ZNF536: variants seen among roughly 807,000 people sequenced by gnomAD.
ZNF536 encodes zinc finger protein 536.
In ZNF536, 13 loss-of-function variants were observed where a neutral mutation model predicts 84.5. That is an observed-to-expected ratio of 0.15 (90% CI 0.10 to 0.24). The LOEUF (loss-of-function observed/expected upper bound fraction) is 0.24. Among genes scored for constraint, ZNF536 ranks in the 10% least tolerant of loss-of-function variants. ZNF536 has a pLI of 1.00. For synonymous variants in ZNF536, 811 were observed against 742.5 expected, an observed-to-expected ratio of 1.09 and a Z score of -1.50; for missense variants, 1,536 against 1,747.5, an observed-to-expected ratio of 0.88 and a Z score of 2.16.
intron 1 of ZNF536, among the ~76,000 whole-genome samples, chr19:30,420,347 G>A (rs1468623979): frequency 6.6e-6 from 1 of 152,158 alleles, no homozygotes; most frequent in Admixed American, 6.5e-5. Context: ...CCGATCCGCA[G>A]TGCGGTGTGT....
At chr19:30,627,647 C>G (rs1035047538) in intron 1 of ZNF536, among the ~76,000 whole-genome samples, 2 of 152,130 alleles carry the variant, frequency 1.3e-5, no homozygotes, top group Admixed American at 1.3e-4. Context: ...TAATGACACT[C>G]AAGTTCTCTG....
chr19:30,698,248 C>T (rs1005938275), intron 1 of ZNF536, among the ~76,000 whole-genome samples: 4 of 151,320 alleles, frequency 2.6e-5, no homozygotes, highest in Non-Finnish European at 5.9e-5. Flanking sequence ...ACTGAGACTG[C>T]GCCACTGTAC....
intron 4 of ZNF536, 116 bp from the exon 5 acceptor site, chr19:30,557,041 C>T (rs2045991028): frequency 8.5e-7 from 1 of 1,175,922 alleles, no homozygotes; most frequent in Non-Finnish European, 1.2e-6. Context: ...ATAAATAACA[C>T]TTTATTGTCA....
intron 1 of ZNF536, among the ~76,000 whole-genome samples, chr19:30,591,114 C>A (rs1052960238): frequency 2.0e-5 from 3 of 152,222 alleles, no homozygotes; most frequent in Non-Finnish European, 4.4e-5. Flanking sequence ...GCCACCCACT[C>A]ATTTGGTGGA....
chr19:30,246,985 AC>A, intron 1 of ZNF536, among the ~76,000 whole-genome samples: 1 of 152,268 alleles, frequency 6.6e-6, no homozygotes, highest in Middle Eastern at 3.4e-3. Context: ...CTTGGTGATG[AC>A]CTATTGTTAC....
intron 2 of ZNF536, among the ~76,000 whole-genome samples, chr19:30,452,011 G>T (rs1049183634): frequency 4.6e-5 from 7 of 152,234 alleles, no homozygotes; most frequent in African/African-American, 1.7e-4. Context: ...GAGGTTCCAG[G>T]CTCAGGTCTT....
Position 30,445,533 on chromosome 19 carries a change from C to G in ZNF536, c.1971C>G (p.Arg657=), listed in dbSNP as rs774149715. The part of the protein sequence containing the change: ...VVHSRVHKRD[R]KGEEDGLHVG... ...ACTCCCGTGTCCACAAGCGGGACCG[C>G]AAGGGCGAGGAGGATGGGCTGCACG... Residue 657 remains arginine, a synonymous_variant, in exon 2 of 5, where the codon CGC becomes CGG. Transcript: ENST00000355537. This position sits in a 1 kb window ranked among gnomAD's most constrained non-coding sequence, Gnocchi z 4.5. 4.3e-6 allele frequency: 7 copies of G among 1,613,714 alleles called. No individual in the cohort carries two copies. Among genetic ancestry groups the G allele is most frequent in the African/African-American group, 2.7e-5 (2 of 74,926 alleles).
At chr19:30,621,276 A>G (rs2048471845) in intron 1 of ZNF536, among the ~76,000 whole-genome samples, 1 of 152,080 alleles carries the variant, frequency 6.6e-6, no homozygotes, top group South Asian at 2.1e-4. Flanking sequence ...TAAGAGCAGC[A>G]GAGGTGTCTC....
intron 1 of ZNF536, among the ~76,000 whole-genome samples, chr19:30,610,673 C>A (rs1187222855): frequency 1.3e-5 from 2 of 152,186 alleles, no homozygotes; most frequent in Non-Finnish European, 2.9e-5. Flanking sequence ...ACCTTCTCCA[C>A]TGGCCACCCA....
At chr19:30,620,076 T>G (rs2048429073) in intron 1 of ZNF536, among the ~76,000 whole-genome samples, 1 of 151,716 alleles carries the variant, frequency 6.6e-6, no homozygotes, top group Non-Finnish European at 1.5e-5. Flanking sequence ...AAAGGGTTCC[T>G]TTACCATAAT....
intron 4 of ZNF536, 33 bp downstream of exon 4, chr19:30,549,547 T>A (rs2146261623): frequency 6.7e-7 from 1 of 1,491,384 alleles, no homozygotes; most frequent in Non-Finnish European, 8.9e-7. Flanking sequence ...TATAGTTCAT[T>A]TCCCAAAACA....
intron 2 of ZNF536, among the ~76,000 whole-genome samples, chr19:30,297,103 C>A (rs1353141976): frequency 1.3e-5 from 2 of 152,220 alleles, no homozygotes; most frequent in Non-Finnish European, 2.9e-5. Flanking sequence ...TCTCCCTCCT[C>A]CTCCAAGAGA....
intron 1 of ZNF536, among the ~76,000 whole-genome samples, chr19:30,691,891 G>A (rs918131068): frequency 1.4e-4 from 21 of 152,184 alleles, no homozygotes; most frequent in African/African-American, 4.8e-4. Context: ...AAAGGGCCAC[G>A]CTGTGGCAGT....
At chr19:30,697,215 G>A (rs1021076603) in intron 1 of ZNF536, among the ~76,000 whole-genome samples, 41 of 152,094 alleles carry the variant, frequency 2.7e-4, no homozygotes, top group African/African-American at 9.9e-4. Context: ...CAGCATGGGG[G>A]AAATGGTCCC....
intron 2 of ZNF536, among the ~76,000 whole-genome samples, chr19:30,501,245 G>A (rs1160333390): frequency 6.6e-6 from 1 of 152,172 alleles, no homozygotes; most frequent in Admixed American, 6.5e-5. Context: ...CCCTCCATGA[G>A]AACATCCCTC....
chr19:30,319,205 C>T (rs2046777688), intron 2 of ZNF536, among the ~76,000 whole-genome samples: 1 of 152,162 alleles, frequency 6.6e-6, no homozygotes, highest in Admixed American at 6.5e-5. Flanking sequence ...TAGGAGATGC[C>T]GGGAAGTTGG....
At chr19:30,353,134 C>G (rs1440356584) in intron 3 of ZNF536, among the ~76,000 whole-genome samples, 4 of 152,182 alleles carry the variant, frequency 2.6e-5, no homozygotes, top group Non-Finnish European at 4.4e-5. Flanking sequence ...CGATAAAAGC[C>G]TCTATCAATT....
intron 1 of ZNF536, among the ~76,000 whole-genome samples, chr19:30,665,969 G>T (rs976880623): frequency 4.6e-5 from 7 of 152,166 alleles, no homozygotes; most frequent in Non-Finnish European, 7.3e-5. Flanking sequence ...GGCCCCTTTT[G>T]GGAGACTTTA....
At chr19:30,267,855 A>G (rs2025594936) in intron 1 of ZNF536, among the ~76,000 whole-genome samples, 1 of 151,880 alleles carries the variant, frequency 6.6e-6, no homozygotes, top group African/African-American at 2.4e-5. Flanking sequence ...CCTATCAGCA[A>G]TTGAGTGTGT....
Sources: allele counts gnomAD v4.1 joint callset (sites outside exome capture counted in the v4.1 genomes callset), GRCh38; gene constraint gnomAD v4.1.1; non-coding constraint Gnocchi (gnomAD v3.1); transcripts MANE v1.5; gene names NCBI Gene and HGNC (gene_info 2026-07-23, HGNC 2026-07-21).